TRIM14: variants seen among roughly 807,000 people sequenced by gnomAD.
The protein encoded by TRIM14 is tripartite motif containing 14.
TRIM14 carries 28 observed loss-of-function variants against 44.5 expected under a neutral mutation model. The observed-to-expected ratio is 0.63, with a 90% CI of 0.47 to 0.86. The LOEUF is 0.86. TRIM14 is among the 40% of genes least tolerant of loss of function. The pLI, the probability that TRIM14 is intolerant of heterozygous loss-of-function variation, is 0.00. For synonymous variants in TRIM14, 299 were observed against 269.2 expected (o/e 1.11, Z -1.08); for missense variants, 607 against 611.1 (o/e 0.99, Z 0.07).
At position 98,084,680 on chromosome 9, in the gene TRIM14, T is replaced by G. The variant is rs1403951857; in HGVS notation, c.*2790A>C. ...TACAGCAGTATATATGTTTTTTTTG[T>G]TTTTTTTGAGACAAGAGTCTTGCTC... On this transcript the variant is annotated 3_prime_UTR_variant, in exon 6 of 6. Coordinates refer to ENST00000341469, the MANE Select transcript of TRIM14 (RefSeq NM_014788.4). 1.3e-5 allele frequency: 2 copies of G among 151,796 alleles called. No individual in the cohort carries two copies. Among genetic ancestry groups the G allele is most frequent in the African/African-American group, 4.8e-5 (2 of 41,286 alleles). 9.4% of individuals were successfully genotyped at this position (151,796 alleles called of 1,614,324 possible). A position where few individuals can be genotyped will look rare whatever the true frequency, so the allele number is the denominator to read the frequency against.
chr9:98,088,436 G>A (rs1228758621), intron 5 of TRIM14, among the ~76,000 whole-genome samples: 2 of 151,906 alleles, frequency 1.3e-5, no homozygotes, highest in African/African-American at 2.4e-5. Flanking sequence ...CTCACTGCAA[G>A]CTCCGCCTCC....
At chr9:98,088,561 T>G (rs1825885024) in intron 5 of TRIM14, among the ~76,000 whole-genome samples, 1 of 152,208 alleles carries the variant, frequency 6.6e-6, no homozygotes, top group South Asian at 2.1e-4. Context: ...ACACCATACA[T>G]GACGTTAGGT....
At chr9:98,055,188 T>C in the TRIM14 span, among the ~76,000 whole-genome samples, 1 of 152,060 alleles carries the variant, frequency 6.6e-6, no homozygotes, top group Non-Finnish European at 1.5e-5. Context: ...CCTGGCTCAT[T>C]TTGTATTTTT....
In TRIM14 at chr9:98,077,154, G is replaced by T. The variant is rs566527216; in HGVS notation, c.*29-7467C>A. The stretch of plus-strand genomic sequence containing the variant: ...TTTTCATTTTTTTAAATAGAGATAG[G>T]GTCTCGCTGTGTTGGCCAGGTTGGT... On this transcript the variant is annotated intron_variant, in intron 6 of 6. Transcript: ENST00000375098. The T allele has an allele frequency of 8.9e-5, 59 of 662,410 alleles. No homozygotes were observed. The African/African-American group carries it at 9.8e-4, about 11-fold the overall frequency. The allele number at this position is 662,410 out of a possible 1,614,324, so 41.0% of individuals were successfully genotyped here.
chr9:98,108,867 A>C (rs1826725731), intron 2 of TRIM14, among the ~76,000 whole-genome samples: 1 of 146,766 alleles, frequency 6.8e-6, no homozygotes, highest in Admixed American at 6.8e-5. Flanking sequence ...TGTGTGAATC[A>C]GTCAGGGGTT....
chr9:98,070,259 A>G, intron 6 of TRIM14, among the ~76,000 whole-genome samples: 1 of 152,174 alleles, frequency 6.6e-6, no homozygotes, highest in Non-Finnish European at 1.5e-5. Context: ...CTGGGACTAC[A>G]GGTGTATGCC....
chr9:98,102,861 A>G (rs1262159070), intron 2 of TRIM14, among the ~76,000 whole-genome samples: 1 of 151,394 alleles, frequency 6.6e-6, no homozygotes, highest in East Asian at 1.9e-4. Context: ...TTATCACCAT[A>G]AAAAAAAAGA....
chr9:98,036,436 G>C, the TRIM14 span, among the ~76,000 whole-genome samples: 1 of 148,164 alleles, frequency 6.7e-6, no homozygotes, highest in East Asian at 2.0e-4. Context: ...GGGAGGCAGA[G>C]GTTGCAGTGA....
the TRIM14 span, among the ~76,000 whole-genome samples, chr9:98,058,639 G>A: frequency 1.1e-4 from 16 of 152,340 alleles, no homozygotes; most frequent in East Asian, 2.5e-3. Flanking sequence ...AAACAAAGCT[G>A]TACTGACCAG....
the TRIM14 span, chr9:98,060,704 T>G: frequency 1.2e-5 from 15 of 1,268,010 alleles, no homozygotes; most frequent in Middle Eastern, 1.9e-4. Context: ...GGTGATGTCA[T>G]AGTGGTTGCT....
chr9:98,051,675 C>T, the TRIM14 span, among the ~76,000 whole-genome samples: 1 of 152,132 alleles, frequency 6.6e-6, no homozygotes, highest in Non-Finnish European at 1.5e-5. Context: ...GAGGAGTGAG[C>T]CAATGTTCTA....
At chr9:98,057,942 T>G in the TRIM14 span, among the ~76,000 whole-genome samples, 1 of 145,658 alleles carries the variant, frequency 6.9e-6, no homozygotes, top group Non-Finnish European at 1.5e-5. Flanking sequence ...TTTTTTTTTT[T>G]GAGACAGGGT....
downstream of TRIM14, among the ~76,000 whole-genome samples, chr9:98,065,692 C>A (rs1336468397): frequency 6.6e-6 from 1 of 151,158 alleles, no homozygotes; most frequent in Non-Finnish European, 1.5e-5. Context: ...GCTGTGTCTC[C>A]ACCGAAATCT....
At chr9:98,091,810 T>A (rs1826003137) in intron 5 of TRIM14, 99 bp downstream of exon 5, 11 of 606,336 alleles carry the variant, frequency 1.8e-5, no homozygotes, top group Admixed American at 3.5e-5. Context: ...TAAATTCTAA[T>A]GAGAAAAAAA....
chr9:98,043,329 C>T, the TRIM14 span, among the ~76,000 whole-genome samples: 2 of 152,140 alleles, frequency 1.3e-5, no homozygotes, highest in African/African-American at 4.8e-5. Context: ...AGGCATGTGC[C>T]ACCATGCCCA....
At chr9:98,096,810 TC>T (rs1351571923) in intron 3 of TRIM14, among the ~76,000 whole-genome samples, 2 of 152,124 alleles carry the variant, frequency 1.3e-5, no homozygotes, top group Non-Finnish European at 2.9e-5. Flanking sequence ...CAGCCTCCCA[TC>T]CTGGCCTCCT....
At chr9:98,082,595 C>T (rs977678358), downstream of TRIM14, among the ~76,000 whole-genome samples, 1 of 152,234 alleles carries the variant, frequency 6.6e-6, no homozygotes, top group Non-Finnish European at 1.5e-5. Flanking sequence ...GAACCTGGCT[C>T]CGCCTACATA....
intron 1 of TRIM14, among the ~76,000 whole-genome samples, chr9:98,113,347 C>T (rs1587977552): frequency 1.3e-5 from 2 of 151,900 alleles, no homozygotes; most frequent in South Asian, 4.2e-4. Context: ...AATATACTAA[C>T]ACCTAAGTAA....
chr9:98,084,435 A>G lies in TRIM14; in HGVS notation c.*3035T>C, dbSNP rs999265772. 1.3e-5 allele frequency: 2 copies of G among 152,214 alleles called. No individual in the cohort carries two copies. Among genetic ancestry groups the G allele is most frequent in the Admixed American group, 6.5e-5 (1 of 15,278 alleles). The allele number at this position is 152,214 out of a possible 1,614,324, so 9.4% of individuals were successfully genotyped here. ...TAAAAATATCTGCAAGCAATTTGCC[A>G]TATCAATAAAGAAATGTCTACAGAT... On this transcript the variant is annotated 3_prime_UTR_variant, in exon 6 of 6. Transcript: ENST00000341469.
Sources: gnomAD v4.1 joint callset for allele counts (sites outside exome capture counted in the v4.1 genomes callset) on GRCh38, gnomAD v4.1.1 for gene constraint, MANE v1.5 for transcripts, NCBI Gene and HGNC (gene_info 2026-07-23, HGNC 2026-07-21) for gene names.